The following LPP variants were observed in gnomAD, a reference collection of about 807,000 sequenced individuals.
The protein encoded by LPP is lipoma-preferred partner.
LPP carries 38 observed loss-of-function variants against 60.4 expected under a neutral mutation model. The ratio of observed to expected loss-of-function variants is 0.63; its 90% CI spans 0.49 to 0.83. The LOEUF (loss-of-function observed/expected upper bound fraction) is 0.83. LPP is among the 40% of genes least tolerant of loss of function. LPP has a pLI of 0.00. For missense variants in LPP, 902 were observed against 783.6 expected (o/e 1.15, Z -1.80); for synonymous variants, 328 against 290.8 (o/e 1.13, Z -1.30).
intron 10 of LPP, among the ~76,000 whole-genome samples, chr3:188,871,788 T>C (rs1768156393): frequency 6.6e-6 from 1 of 152,160 alleles, no homozygotes; most frequent in Non-Finnish European, 1.5e-5. Flanking sequence ...GGCTTATATT[T>C]TCAGCCAATT....
chr3:188,475,827 C>T (rs2149570607), intron 4 of LPP, among the ~76,000 whole-genome samples: 1 of 152,236 alleles, frequency 6.6e-6, no homozygotes, highest in South Asian at 2.1e-4. Context: ...GGCCTGAACC[C>T]GGGAGGCGGA....
chr3:188,524,412 A>G (rs757676557), intron 5 of LPP, among the ~76,000 whole-genome samples: 6 of 152,186 alleles, frequency 3.9e-5, no homozygotes, highest in African/African-American at 1.4e-4. Flanking sequence ...TATTTTAAAC[A>G]ACAACAACGA....
chr3:188,264,543 G>A (rs1734781240), intron 2 of LPP, among the ~76,000 whole-genome samples: 1 of 152,136 alleles, frequency 6.6e-6, no homozygotes, highest in African/African-American at 2.4e-5. Flanking sequence ...TTCCTCTTTA[G>A]GAGGTTGGAG....
intron 2 of LPP, among the ~76,000 whole-genome samples, chr3:188,274,280 A>C (rs1202067604): frequency 6.6e-6 from 1 of 152,222 alleles, no homozygotes; most frequent in Non-Finnish European, 1.5e-5. Context: ...ATGTAGGAAC[A>C]TGCTCTGTGT....
intron 4 of LPP, among the ~76,000 whole-genome samples, chr3:188,478,164 G>A (rs1046381270): frequency 6.6e-6 from 1 of 152,154 alleles, no homozygotes; most frequent in Non-Finnish European, 1.5e-5. Flanking sequence ...TGTTCAGGGA[G>A]CTTGGTCTCC....
At chr3:188,176,254 TGTTGAAGA>T (rs1330084537) in intron 1 of LPP, among the ~76,000 whole-genome samples, 1 of 152,196 alleles carries the variant, frequency 6.6e-6, no homozygotes, top group African/African-American at 2.4e-5. Flanking sequence ...GTGCTACTAA[TGTTGAAGA>T]GAACCTATGA....
intron 3 of LPP, among the ~76,000 whole-genome samples, chr3:188,380,428 A>G (rs1776561345): frequency 6.6e-6 from 1 of 152,180 alleles, no homozygotes; most frequent in African/African-American, 2.4e-5. Context: ...CTGTCATTTT[A>G]GATATTGAGT....
chr3:188,765,861 CTTTTTTTT>C (rs71169019), intron 9 of LPP, among the ~76,000 whole-genome samples: 4 of 92,626 alleles, frequency 4.3e-5, no homozygotes, highest in Admixed American at 1.3e-4. Flanking sequence ...ATGTTCAACT[CTTTTTTTT>C]TTTTTTTTTT....
intron 3 of LPP, among the ~76,000 whole-genome samples, chr3:188,361,210 A>G (rs1296603491): frequency 6.6e-6 from 1 of 152,210 alleles, no homozygotes. Flanking sequence ...TTTTTCTTCA[A>G]ATAAACTGTG....
chr3:188,736,227 A>G (rs1221329469), intron 8 of LPP, among the ~76,000 whole-genome samples: 1 of 152,194 alleles, frequency 6.6e-6, no homozygotes, highest in Non-Finnish European at 1.5e-5. Flanking sequence ...TTATCAATAA[A>G]TTTTAAAACA....
At chr3:188,830,817 C>T (rs918368261) in intron 9 of LPP, among the ~76,000 whole-genome samples, 1 of 152,018 alleles carries the variant, frequency 6.6e-6, no homozygotes, top group African/African-American at 2.4e-5. Context: ...CATTATGGGC[C>T]GAGTTTATTG....
chr3:188,280,211 C>T (rs6444277), intron 2 of LPP, among the ~76,000 whole-genome samples: 110,426 of 152,014 alleles, frequency 0.73, 41,286 homozygotes, highest in African/African-American at 0.9. Flanking sequence ...TTTTGTAACC[C>T]GAAGAGGGTG....
intron 3 of LPP, among the ~76,000 whole-genome samples, chr3:188,365,702 TACTCTGTTGAATGTTATC>T (rs1560302291): frequency 6.7e-6 from 1 of 148,594 alleles, no homozygotes. Flanking sequence ...TTTTTTTTTT[TACTCTGTTGAATGTTATC>T]TTTTATTTTG....
chr3:188,328,441 G>A (rs1310190829), intron 2 of LPP, among the ~76,000 whole-genome samples: 1 of 152,168 alleles, frequency 6.6e-6, no homozygotes, highest in Admixed American at 6.5e-5. Flanking sequence ...AAGGTGTCAA[G>A]TGCACAGTAG....
intron 7 of LPP, among the ~76,000 whole-genome samples, chr3:188,623,137 A>G (rs534881974): frequency 6.6e-6 from 1 of 151,772 alleles, no homozygotes; most frequent in South Asian, 2.1e-4. Flanking sequence ...AAAATTACAT[A>G]AGGGCTTAAA....
At chr3:188,394,436 A>G (rs1780417341) in intron 3 of LPP, among the ~76,000 whole-genome samples, 1 of 152,154 alleles carries the variant, frequency 6.6e-6, no homozygotes, top group Non-Finnish European at 1.5e-5. Flanking sequence ...GGTAAGCTTC[A>G]TCTTGAGCTC....
chr3:188,853,898 A>G (rs1431732860), intron 9 of LPP, among the ~76,000 whole-genome samples: 1 of 152,138 alleles, frequency 6.6e-6, no homozygotes, highest in Non-Finnish European at 1.5e-5. Flanking sequence ...GAACAAACCA[A>G]AAGTGATTTC....
In LPP at chr3:188,333,271, T is replaced by G. The variant is rs868666595; in HGVS notation, c.-66-8392T>G. On this transcript the variant is annotated intron_variant, in intron 2 of 11. Coordinates refer to ENST00000617246, the MANE Select transcript of LPP (RefSeq NM_001375462.1). ...ACTGAGTAATTATATTTGGAGAATT[T>G]GGAAGGAATTTTTTCTCTATTGCAA... is the stretch of plus-strand genomic sequence containing the variant. Among the ~76,000 whole-genome samples the G allele has an allele frequency of 2.6e-5, 4 of 152,262 alleles. No homozygotes were observed. The Middle Eastern group carries it at 0.01, about 388-fold the overall frequency.
Position 188,249,899 on chromosome 3 carries a change from ATATT to A in LPP, c.-67+24374_-67+24377del, listed in dbSNP as rs1191470866. On this transcript the variant is annotated intron_variant, in intron 2 of 11. Coordinates refer to ENST00000617246, the MANE Select transcript of LPP (RefSeq NM_001375462.1). The stretch of plus-strand genomic sequence containing the variant: ...TCCCCCACCCCATATATATATATAT[ATATT>A]TTTTTTTTTTCCAGAAGTATTTCAG... 3.8e-4 allele frequency among the ~76,000 whole-genome samples: 46 copies of A among 120,410 alleles called. 1 individual carries two copies. The highest frequency in any genetic ancestry group is 6.9e-4 in the Non-Finnish European group (41 of 59,528). 79.0% of individuals were successfully genotyped at this position (120,410 alleles called of 152,430 possible). A position where few individuals can be genotyped will look rare whatever the true frequency, so the allele number is the denominator to read the frequency against.
Sources: gnomAD v4.1 joint callset for allele counts (sites outside exome capture counted in the v4.1 genomes callset) on GRCh38, gnomAD v4.1.1 for gene constraint, MANE v1.5 for transcripts, NCBI Gene and HGNC (gene_info 2026-07-23, HGNC 2026-07-21) for gene names.